Variants in TNS2 observed in about 807,000 individuals in gnomAD.
TNS2 encodes tensin 2, also known as tensin-2.
Under a neutral mutation model 155.7 loss-of-function variants are expected in TNS2, and 77 were observed. The observed-to-expected ratio is 0.49, with a 90% CI of 0.41 to 0.60. The LOEUF is 0.60. Ranked by LOEUF, TNS2 falls within the 20% of genes least tolerant of loss-of-function variation. TNS2 has a pLI of 0.00. For missense variants in TNS2, 1,703 were observed against 1,868.8 expected (o/e 0.91, Z 1.64); for synonymous variants, 726 against 763.9 (o/e 0.95, Z 0.82).
In TNS2 at chr12:53,058,316, G is replaced by A; in HGVS notation, c.1096G>A (p.Val366Ile). 3 of 1,614,098 alleles carry A rather than the reference G, an allele frequency of 1.9e-6. No individual in the cohort carries two copies. The highest frequency in any genetic ancestry group is 2.5e-6 in the Non-Finnish European group (3 of 1,180,006). The change falls in exon 15 of 29, where the codon GTA becomes ATA. Residue 366 changes from valine (V) to isoleucine (I), a missense_variant and splice_region_variant. Val to Ile is a conservative substitution (Grantham distance 29). Transcript: ENST00000314250. ...CCGCAGCCTCCTGCCTTTCTCCCAG[G>A]TAACATGTTATCACAAGGGTGGCCG... ...PALLLKGDVM[V>I]TCYHKGGRGT...
At chr12:53,061,972 G>A (rs201050714) in intron 22 of TNS2, 32 bp downstream of exon 22, 5 of 1,609,022 alleles carry the variant, frequency 3.1e-6, no homozygotes, top group Non-Finnish European at 3.4e-6. Flanking sequence ...GTGGGGTGGG[G>A]ATGAAGTTGG....
Position 53,062,020 on chromosome 12 carries a change from G to T in TNS2, c.3574+80G>T, listed in dbSNP as rs950859458. 5.6e-6 allele frequency: 9 copies of T among 1,611,360 alleles called. No individual in the cohort carries two copies. In the African/African-American group the frequency reaches 1.2e-4, roughly 22 times the overall value. On this transcript the variant is annotated intron_variant, in intron 22 of 28. Coordinates refer to ENST00000314250, the MANE Select transcript of TNS2 (RefSeq NM_170754.4). ...AGGCAAGGTAACAGGGCAGGTGGGG[G>T]TGCTGTGCTGGCCATGCCGCTGTAG... is the stretch of plus-strand genomic sequence containing the variant.
Position 53,063,090 on chromosome 12 carries a change from C to T in TNS2, c.3825C>T (p.Ala1275=). ...CTGACCCACTCCCTGCCCCTGTAGC[C>T]TGCAGCGTGCTCTACTTGACCTCAG... ...TAADLLRQGA[A]CSVLYLTSVE... The change falls in exon 26 of 29, where the codon GCC becomes GCT. Residue 1275 remains alanine (A), a splice_region_variant and synonymous_variant. Transcript: ENST00000314250. The surrounding 1 kb of genome is among the most constrained non-coding windows in gnomAD (Gnocchi z 5.6). The T allele has an allele frequency of 6.5e-7, 1 of 1,539,196 alleles. No individual in the cohort carries two copies. Among genetic ancestry groups the T allele is most frequent in the Non-Finnish European group, 8.7e-7 (1 of 1,145,308 alleles).
At chr12:53,052,003 A>C (rs763276855) in intron 2 of TNS2, 40 bp downstream of exon 2, 1 of 1,527,516 alleles carries the variant, frequency 6.5e-7, no homozygotes, top group Non-Finnish European at 9.0e-7. Context: ...CCCTCCACCC[A>C]GTACCACTGT....
Position 53,063,154 on chromosome 12 carries a change from C to G in TNS2, c.3889C>G (p.Arg1297Gly). The G allele has an allele frequency of 6.2e-7, 1 of 1,608,562 alleles. No individual in the cohort carries two copies. The highest frequency in any genetic ancestry group is 8.5e-7 in the Non-Finnish European group (1 of 1,177,972). Residue 1297 changes from arginine (R) to glycine (G), a missense_variant, in exon 26 of 29, where the codon CGG (arginine) becomes GGG (glycine). Transcript: ENST00000314250. This position sits in a 1 kb window ranked among gnomAD's most constrained non-coding sequence, Gnocchi z 5.6. The part of the protein sequence containing the change: ...ESLTGPQAVA[R>G]ASSAALSCSP... ...ACTGACGGGCCCCCAAGCTGTGGCC[C>G]GGGCCAGCTCTGCAGCTCTGAGCTG...
rs532244378 is a variant in TNS2 at position 53,063,769 on chromosome 12, C to G, written c.4117C>G (p.Pro1373Ala). Residue 1373 changes from proline to alanine, a missense_variant, in exon 29 of 29, where the codon CCG becomes GCG. Pro to Ala is a conservative substitution (Grantham distance 27). Coordinates refer to ENST00000314250, the MANE Select transcript of TNS2 (RefSeq NM_170754.4). The surrounding 1 kb of genome is among the most constrained non-coding windows in gnomAD (Gnocchi z 5.6). ...SKIFGFVAKK[P>A]GSPWENVCHL... ...GATCTTTGGTTTCGTGGCCAAGAAG[C>G]CGGGAAGCCCCTGGGAGAATGTGTG... The G allele has an allele frequency of 6.2e-7, 1 of 1,614,164 alleles. No individual in the cohort carries two copies. The highest frequency in any genetic ancestry group is 2.2e-5 in the East Asian group (1 of 44,878).
In TNS2 at chr12:53,050,362, C is replaced by T; in HGVS notation, c.75+102C>T. The T allele has an allele frequency of 3.8e-6, 5 of 1,307,770 alleles. No individual in the cohort carries two copies. The highest frequency in any genetic ancestry group is 1.5e-5 in the South Asian group (1 of 67,206). 81.0% of individuals were successfully genotyped at this position (1,307,770 alleles called of 1,614,324 possible). A position where few individuals can be genotyped will look rare whatever the true frequency, so the allele number is the denominator to read the frequency against. ...GGCCAGGCCTTCTTCCCAATTTCAG[C>T]TTCCTCAGCCTTCTTCCCTGGCCCA... On this transcript the variant is annotated intron_variant, in intron 1 of 28. Transcript: ENST00000314250. This position sits in a 1 kb window ranked among gnomAD's most constrained non-coding sequence, Gnocchi z 4.7.
At chr12:53,047,897 G>A (rs1161298137), upstream of TNS2, among the ~76,000 whole-genome samples, 2 of 152,102 alleles carry the variant, frequency 1.3e-5, no homozygotes, top group Non-Finnish European at 2.9e-5. Context: ...CCTTCCCTGG[G>A]CCTTACCCCT....
Position 53,063,330 on chromosome 12 carries a change from C to T in TNS2, c.3993-19C>T. ...GCTCATGTTTCTGAGTGTGACCTTC[C>T]TCACCCTCCTCCTTGCAGGCTCTTC... On this transcript the variant is annotated intron_variant, in intron 26 of 28. Coordinates refer to ENST00000314250, the MANE Select transcript of TNS2 (RefSeq NM_170754.4). The surrounding 1 kb of genome is among the most constrained non-coding windows in gnomAD (Gnocchi z 5.6). 6.2e-7 allele frequency: 1 copy of T among 1,614,052 alleles called. No homozygotes were observed. The highest frequency in any genetic ancestry group is 8.5e-7 in the Non-Finnish European group (1 of 1,179,984).
Position 53,052,003 on chromosome 12 carries a change from A to T in TNS2, c.184+40A>T, listed in dbSNP as rs763276855. 5 of 1,527,634 alleles carry T rather than the reference A, an allele frequency of 3.3e-6. No homozygotes were observed. In the South Asian group the frequency reaches 5.7e-5, roughly 17 times the overall value. The allele number at this position is 1,527,634 out of a possible 1,614,324, so 94.6% of individuals were successfully genotyped here. ...CCTGTGACTCTGAGACCCTCCACCC[A>T]GTACCACTGTGTTGCACAACTCCAG... On this transcript the variant is annotated intron_variant, in intron 2 of 28. Coordinates refer to ENST00000314250, the MANE Select transcript of TNS2 (RefSeq NM_170754.4).
At chr12:53,055,732 G>C (rs371298350) in intron 9 of TNS2, 42 bp downstream of exon 9, 34 of 1,614,084 alleles carry the variant, frequency 2.1e-5, no homozygotes, top group Non-Finnish European at 2.8e-5. Flanking sequence ...GGAGGTTCCA[G>C]GTCAGCCTGG....
At chr12:53,058,151 T>C (rs769562787) in intron 14 of TNS2, 49 bp downstream of exon 14, 1 of 1,612,484 alleles carries the variant, frequency 6.2e-7, no homozygotes, top group African/African-American at 1.3e-5. Context: ...GGGGCAGGGG[T>C]TGGTGGTGTA....
intron 13 of TNS2, 76 bp downstream of exon 13, chr12:53,057,909 C>A: frequency 6.2e-7 from 1 of 1,609,440 alleles, no homozygotes; most frequent in Non-Finnish European, 8.5e-7. Context: ...GCTTCTCCAG[C>A]CTCCCTAGAC....
In TNS2 at chr12:53,059,788, G is replaced by C. The variant is rs201545439; in HGVS notation, c.2147G>C (p.Gly716Ala). Residue 716 changes from glycine (G) to alanine (A), a missense_variant, in exon 18 of 29, where the codon GGG becomes GCG. Physicochemically the swap from Gly to Ala is moderately conservative, Grantham distance 60. Coordinates refer to ENST00000314250, the MANE Select transcript of TNS2 (RefSeq NM_170754.4). The surrounding 1 kb of genome is among the most constrained non-coding windows in gnomAD (Gnocchi z 4.7). ...CGGCTGGAGAGGGAGGCTGGAGAAGGGTGGGCAAGTGAGGCTGGCAAGCCT... is the reference window on the plus strand; with the variant it reads ...CGGCTGGAGAGGGAGGCTGGAGAAGCGTGGGCAAGTGAGGCTGGCAAGCCT... ...GLRLEREAGE[G>A]WASEAGKPLL... The C allele has an allele frequency of 1.1e-5, 18 of 1,612,430 alleles. No homozygotes were observed. In the South Asian group the frequency reaches 1.2e-4, roughly 11 times the overall value.
At chr12:53,055,450 A>G (rs1304105960) in intron 8 of TNS2, 118 bp from the exon 9 acceptor site, 3 of 1,333,874 alleles carry the variant, frequency 2.2e-6, no homozygotes, top group African/African-American at 1.5e-5. Flanking sequence ...GCTATCATGG[A>G]CAACCAGCAG....
chr12:53,057,145 C>T, intron 11 of TNS2, 49 bp downstream of exon 11: 1 of 1,559,510 alleles, frequency 6.4e-7, no homozygotes, highest in African/African-American at 1.4e-5. Context: ...CCCTTCATGG[C>T]TACCAAGGCC....
In TNS2 at chr12:53,053,593, C is replaced by G. The variant is rs922446845; in HGVS notation, c.261+144C>G. On this transcript the variant is annotated intron_variant, in intron 4 of 28. Coordinates refer to ENST00000314250, the MANE Select transcript of TNS2 (RefSeq NM_170754.4). ...GCTCATCCTATGAGGAAAGAAAAAA[C>G]TGTCTGAGTCCTCTGCTGATCTTGT... is the stretch of plus-strand genomic sequence containing the variant. 3 of 1,364,072 alleles carry G rather than the reference C, an allele frequency of 2.2e-6. No individual in the cohort carries two copies. The African/African-American group carries it at 4.4e-5, about 20-fold the overall frequency. The allele number at this position is 1,364,072 out of a possible 1,614,324, so 84.5% of individuals were successfully genotyped here.
In TNS2 at chr12:53,063,714, A is replaced by G. The variant is rs138032061; in HGVS notation, c.4092-30A>G. ...TACATTCCCTTGTGGAAGGAATGTT[A>G]AGCCCCTTCCCCACCCTTTATCCCC... On this transcript the variant is annotated intron_variant, in intron 28 of 28. Transcript: ENST00000314250. This position sits in a 1 kb window ranked among gnomAD's most constrained non-coding sequence, Gnocchi z 5.6. 5 of 1,613,868 alleles carry G rather than the reference A, an allele frequency of 3.1e-6. No homozygotes were observed. In the African/African-American group the frequency reaches 6.7e-5, roughly 22 times the overall value.
intron 7 of TNS2, among the ~76,000 whole-genome samples, chr12:53,054,663 T>C (rs1944076295): frequency 6.6e-6 from 1 of 152,000 alleles, no homozygotes; most frequent in African/African-American, 2.4e-5. Flanking sequence ...AGCTACCTTT[T>C]TATTTTCTTT....
Sources: allele counts gnomAD v4.1 joint callset (sites outside exome capture counted in the v4.1 genomes callset), GRCh38; gene constraint gnomAD v4.1.1; non-coding constraint Gnocchi (gnomAD v3.1); transcripts MANE v1.5; gene names NCBI Gene and HGNC (gene_info 2026-07-23, HGNC 2026-07-21).